The following DNER variants were observed in gnomAD, a reference collection of about 807,000 sequenced individuals.
DNER encodes the protein delta/notch like EGF repeat containing.
DNER carries 33 observed loss-of-function variants against 78.2 expected under a neutral mutation model. That is an observed-to-expected ratio of 0.42 (90% CI 0.32 to 0.56). DNER has a LOEUF of 0.56. Among genes scored for constraint, DNER ranks in the 20% least tolerant of loss-of-function variants. DNER has a pLI of 0.11. For missense variants in DNER, 918 were observed against 975.3 expected (o/e 0.94, Z 0.78); for synonymous variants, 417 against 384.8 (o/e 1.08, Z -0.98).
At chr2:229,446,112 A>G (rs1694334724) in intron 8 of DNER, among the ~76,000 whole-genome samples, 1 of 152,218 alleles carries the variant, frequency 6.6e-6, no homozygotes, top group Non-Finnish European at 1.5e-5. Flanking sequence ...CTGGGTGTGT[A>G]GCCACAGGCA....
At chr2:229,379,253 A>T (rs1040637338) in intron 11 of DNER, among the ~76,000 whole-genome samples, 9 of 152,210 alleles carry the variant, frequency 5.9e-5, no homozygotes, top group African/African-American at 2.2e-4. Context: ...AAAAAATAAA[A>T]GAAAGATCAA....
At chr2:229,605,966 G>A (rs754206705) in intron 1 of DNER, among the ~76,000 whole-genome samples, 5 of 152,144 alleles carry the variant, frequency 3.3e-5, no homozygotes, top group East Asian at 3.9e-4. Flanking sequence ...CAGAAACTTC[G>A]ATGGAAAATT....
At chr2:229,676,666 C>T (rs1265789688) in intron 1 of DNER, among the ~76,000 whole-genome samples, 1 of 152,152 alleles carries the variant, frequency 6.6e-6, no homozygotes, top group Non-Finnish European at 1.5e-5. Context: ...TCTTTTTGCA[C>T]AGTACCTACA....
At chr2:229,428,412 G>A (rs1250978963) in intron 8 of DNER, among the ~76,000 whole-genome samples, 3 of 151,566 alleles carry the variant, frequency 2.0e-5, no homozygotes, top group Non-Finnish European at 2.9e-5. Context: ...AAGGAGAGGT[G>A]GAAGGGGAGG....
At chr2:229,560,976 C>T (rs1696947576) in intron 4 of DNER, among the ~76,000 whole-genome samples, 1 of 152,194 alleles carries the variant, frequency 6.6e-6, no homozygotes, top group Admixed American at 6.6e-5. Flanking sequence ...GTCACACCAA[C>T]TATCCCAGGA....
intron 6 of DNER, among the ~76,000 whole-genome samples, chr2:229,494,941 A>G (rs1217154822): frequency 6.6e-6 from 1 of 152,170 alleles, no homozygotes; most frequent in Non-Finnish European, 1.5e-5. Flanking sequence ...GCTTCTGCTG[A>G]GATTGCTGAT....
At chr2:229,440,993 T>C (rs1694222190) in intron 8 of DNER, among the ~76,000 whole-genome samples, 1 of 152,230 alleles carries the variant, frequency 6.6e-6, no homozygotes, top group Admixed American at 6.5e-5. Flanking sequence ...AAAATACATA[T>C]CAGCTCATAT....
chr2:229,576,819 G>A (rs1315388356), intron 4 of DNER, among the ~76,000 whole-genome samples: 1 of 152,148 alleles, frequency 6.6e-6, no homozygotes, highest in African/African-American at 2.4e-5. Flanking sequence ...AGAACCAGTG[G>A]GAAACCTGCA....
chr2:229,650,072 C>CAAAAA (rs34030074), intron 1 of DNER, among the ~76,000 whole-genome samples: 5 of 93,132 alleles, frequency 5.4e-5, no homozygotes, highest in East Asian at 2.8e-4. Context: ...AAGACTCCGT[C>CAAAAA]AAAAAAAAAA....
At chr2:229,663,840 T>C (rs1313168318) in intron 1 of DNER, among the ~76,000 whole-genome samples, 1 of 152,174 alleles carries the variant, frequency 6.6e-6, no homozygotes, top group Non-Finnish European at 1.5e-5. Context: ...TTTTTGTTGT[T>C]GTTCCAAGCT....
chr2:229,582,842 T>C (rs1697427732), intron 4 of DNER, among the ~76,000 whole-genome samples: 2 of 152,102 alleles, frequency 1.3e-5, no homozygotes, highest in Non-Finnish European at 2.9e-5. Context: ...GGTTTCACCA[T>C]GTTGGTCAGG....
chr2:229,369,650 C>T (rs963817820), intron 11 of DNER, among the ~76,000 whole-genome samples: 2 of 152,160 alleles, frequency 1.3e-5, no homozygotes, highest in African/African-American at 4.8e-5. Flanking sequence ...GAGCATGGCC[C>T]TGTGTCCTTC....
At chr2:229,666,479 A>G (rs1699094240) in intron 1 of DNER, among the ~76,000 whole-genome samples, 2 of 152,232 alleles carry the variant, frequency 1.3e-5, no homozygotes, top group African/African-American at 4.8e-5. Context: ...AGTTCTGAGT[A>G]CAAAAATTAG....
intron 11 of DNER, among the ~76,000 whole-genome samples, chr2:229,382,020 G>A (rs562340882): frequency 9.8e-5 from 15 of 152,286 alleles, no homozygotes; most frequent in South Asian, 4.1e-4. Context: ...GGAGAACTCC[G>A]GCTGGCATCT....
chr2:229,668,663 C>T (rs1462794630), intron 1 of DNER, among the ~76,000 whole-genome samples: 1 of 149,068 alleles, frequency 6.7e-6, no homozygotes, highest in Non-Finnish European at 1.5e-5. Context: ...ATCAAAACCA[C>T]AATGAGATAC....
At chr2:229,365,599 G>T (rs570494689) in intron 12 of DNER, among the ~76,000 whole-genome samples, 13 of 152,118 alleles carry the variant, frequency 8.5e-5, no homozygotes, top group Non-Finnish European at 1.5e-4. Flanking sequence ...ACCATGCCTG[G>T]CTAATTTTTG....
At chr2:229,498,016 A>G (rs1403072311) in intron 6 of DNER, among the ~76,000 whole-genome samples, 1 of 151,976 alleles carries the variant, frequency 6.6e-6, no homozygotes, top group Non-Finnish European at 1.5e-5. Flanking sequence ...AACATAGAAG[A>G]AAAAATTCTC....
chr2:229,596,983 A>C (rs554425015), intron 1 of DNER, among the ~76,000 whole-genome samples: 1 of 146,604 alleles, frequency 6.8e-6, no homozygotes, highest in Non-Finnish European at 1.5e-5. Context: ...ACCTGCGCAC[A>C]CACATGCACA....
At chr2:229,690,112 C>A (rs1699543915) in intron 1 of DNER, among the ~76,000 whole-genome samples, 1 of 152,220 alleles carries the variant, frequency 6.6e-6, no homozygotes, top group Non-Finnish European at 1.5e-5. Context: ...GCAGGCGTAG[C>A]TGCCCTTTAG....
Sources: allele counts gnomAD v4.1 joint callset (sites outside exome capture counted in the v4.1 genomes callset), GRCh38; gene constraint gnomAD v4.1.1; transcripts MANE v1.5; gene names NCBI Gene and HGNC (gene_info 2026-07-23, HGNC 2026-07-21).